Variants in ABCA13 observed in about 807,000 individuals in gnomAD.
ABCA13 encodes ATP-binding cassette sub-family A member 13.
In ABCA13, 476 loss-of-function variants were observed where a neutral mutation model predicts 478.7. The observed-to-expected ratio is 0.99, with a 90% CI of 0.92 to 1.07. The LOEUF (loss-of-function observed/expected upper bound fraction) is 1.07. Among genes scored for constraint, ABCA13 ranks in the 50% least tolerant of loss-of-function variants. ABCA13 has a pLI of 0.00. For synonymous variants in ABCA13, 2,252 were observed against 2,158.9 expected (o/e 1.04, Z -1.20); for missense variants, 6,060 against 5,910.6 (o/e 1.03, Z -0.83).
chr7:48,563,442 A>G (rs564330791), intron 55 of ABCA13, among the ~76,000 whole-genome samples: 1 of 152,292 alleles, frequency 6.6e-6, no homozygotes, highest in African/African-American at 2.4e-5. Context: ...TGCTCCTCCC[A>G]TGATGAGGTC....
intron 59 of ABCA13, among the ~76,000 whole-genome samples, chr7:48,617,087 T>C (rs1792660339): frequency 6.6e-6 from 1 of 152,198 alleles, no homozygotes; most frequent in African/African-American, 2.4e-5. Flanking sequence ...ACTATAAACC[T>C]ATAATAAACA....
At chr7:48,291,739 C>T (rs192665237) in intron 20 of ABCA13, among the ~76,000 whole-genome samples, 1 of 152,142 alleles carries the variant, frequency 6.6e-6, no homozygotes, top group Non-Finnish European at 1.5e-5. Flanking sequence ...ACGTAAAAGT[C>T]GAACCAGATT....
intron 39 of ABCA13, 90 bp from the exon 40 acceptor site, chr7:48,410,430 G>C: frequency 6.7e-7 from 1 of 1,489,694 alleles, no homozygotes; most frequent in South Asian, 1.1e-5. Context: ...TTTAAATTGT[G>C]CCCTGGATCT....
intron 58 of ABCA13, among the ~76,000 whole-genome samples, chr7:48,603,135 A>C (rs1157558030): frequency 1.3e-5 from 2 of 152,080 alleles, no homozygotes; most frequent in African/African-American, 4.8e-5. Context: ...TAGGGTTGAG[A>C]TGATGGGGTT....
chr7:48,324,998 G>A (rs916322994), intron 27 of ABCA13, among the ~76,000 whole-genome samples: 45 of 152,188 alleles, frequency 3.0e-4, no homozygotes, highest in Admixed American at 1.6e-3. Flanking sequence ...TGAGCTAAAC[G>A]TTACTTCCCC....
intron 1 of ABCA13, among the ~76,000 whole-genome samples, chr7:48,178,358 G>A (rs1218018797): frequency 6.6e-6 from 1 of 152,098 alleles, no homozygotes; most frequent in Non-Finnish European, 1.5e-5. Context: ...CTTTTGTCCT[G>A]CATCATTGCC....
At position 48,410,674 on chromosome 7, in the gene ABCA13, G is replaced by A. The variant is rs747848917; in HGVS notation, c.12225G>A (p.Arg4075=). 6.2e-7 allele frequency: 1 copy of A among 1,612,536 alleles called. No homozygotes were observed. The highest frequency in any genetic ancestry group is 2.2e-5 in the East Asian group (1 of 44,858). ...AGGGGCTCCGCCTGACACTCACGAG[G>A]CAGGTAAGGAGTGCAACCATTCTAT... ...YGQGLRLTLT[R]QPSVLEAHDL... Residue 4075 remains arginine (R), a synonymous_variant, in exon 40 of 62, where the codon AGG becomes AGA. Transcript: ENST00000435803.
At chr7:48,242,257 T>A (rs1439865293) in intron 10 of ABCA13, among the ~76,000 whole-genome samples, 4 of 146,688 alleles carry the variant, frequency 2.7e-5, no homozygotes, top group African/African-American at 1.0e-4. Context: ...CCCAGGAAGC[T>A]GTACTTGGCT....
intron 1 of ABCA13, among the ~76,000 whole-genome samples, chr7:48,190,617 A>G (rs1225932852): frequency 6.6e-6 from 1 of 152,184 alleles, no homozygotes; most frequent in Non-Finnish European, 1.5e-5. Flanking sequence ...ATAAAAGAAA[A>G]ACAACCTCAT....
chr7:48,429,001 A>G (rs1821789133), intron 42 of ABCA13, among the ~76,000 whole-genome samples: 1 of 152,118 alleles, frequency 6.6e-6, no homozygotes, highest in Non-Finnish European at 1.5e-5. Flanking sequence ...TCTCTAATAG[A>G]TGTGCCTATT....
chr7:48,202,269 A>C (rs950501566), intron 3 of ABCA13, among the ~76,000 whole-genome samples: 3 of 152,232 alleles, frequency 2.0e-5, no homozygotes, highest in African/African-American at 7.2e-5. Flanking sequence ...GTCTGTTTTG[A>C]CAGGGCGCTG....
chr7:48,316,683 G>A (rs1237526276), intron 26 of ABCA13, among the ~76,000 whole-genome samples: 2 of 152,196 alleles, frequency 1.3e-5, no homozygotes, highest in African/African-American at 4.8e-5. Context: ...AAGAAGCATG[G>A]CACCAGCATC....
At chr7:48,227,234 AC>A (rs2128983158) in intron 5 of ABCA13, 27 bp from the exon 6 acceptor site, 1 of 1,608,918 alleles carries the variant, frequency 6.2e-7, no homozygotes, top group Non-Finnish European at 8.5e-7. Context: ...CCAGAGGGAA[AC>A]TTTTGGTGTA....
At chr7:48,421,511 C>T (rs928561398) in intron 41 of ABCA13, among the ~76,000 whole-genome samples, 1 of 152,190 alleles carries the variant, frequency 6.6e-6, no homozygotes, top group Non-Finnish European at 1.5e-5. Flanking sequence ...CCAAGTTGAG[C>T]CAGTGGGAGG....
intron 41 of ABCA13, among the ~76,000 whole-genome samples, chr7:48,424,675 C>T (rs1224405414): frequency 6.6e-6 from 1 of 152,196 alleles, no homozygotes; most frequent in Non-Finnish European, 1.5e-5. Context: ...AGTTTTCTTT[C>T]ATTAAATCCC....
At chr7:48,481,432 C>A (rs1190001017) in intron 46 of ABCA13, among the ~76,000 whole-genome samples, 1 of 152,162 alleles carries the variant, frequency 6.6e-6, no homozygotes, top group African/African-American at 2.4e-5. Flanking sequence ...ACATAGATGC[C>A]ATGGACCTTA....
Position 48,278,664 on chromosome 7 carries a change from C to T in ABCA13, c.7470C>T (p.His2490=), listed in dbSNP as rs778470798. Residue 2490 remains histidine, a synonymous_variant, in exon 18 of 62, where the codon CAC becomes CAT. Transcript: ENST00000435803. The part of the protein sequence containing the change: ...GAISRASEES[H]VLKPLLEMSG... ...TTTCAAGAGCAAGTGAAGAAAGTCA[C>T]GTCCTGAAACCCCTCTTAGAAATGT... is the stretch of plus-strand genomic sequence containing the variant. 52 of 1,613,506 alleles carry T rather than the reference C, an allele frequency of 3.2e-5. No individual in the cohort carries two copies. Among genetic ancestry groups the T allele is most frequent in the Admixed American group, 2.3e-4 (14 of 59,996 alleles).
Position 48,350,798 on chromosome 7 carries a change from C to G in ABCA13, c.10360C>G (p.Gln3454Glu), listed in dbSNP as rs1808853632. ...ILETKAHELLQQNSFLASIIF... is the reference protein window; with the variant it reads ...ILETKAHELLEQNSFLASIIF... Reference sequence around the variant, plus strand: ...GGAGACTAAAGCACATGAACTCTTGCAGCAGAACAGCTTCTTGGCCAGTAA... The same window carrying G: ...GGAGACTAAAGCACATGAACTCTTGGAGCAGAACAGCTTCTTGGCCAGTAA... Residue 3454 changes from glutamine to glutamate, a missense_variant, in exon 30 of 62, where the codon CAG becomes GAG. Gln to Glu is a conservative substitution (Grantham distance 29, BLOSUM62 2). Coordinates refer to ENST00000435803, the MANE Select transcript of ABCA13 (RefSeq NM_152701.5). The G allele has an allele frequency of 6.2e-6, 10 of 1,613,746 alleles. No individual in the cohort carries two copies. The highest frequency in any genetic ancestry group is 8.5e-6 in the Non-Finnish European group (10 of 1,179,758).
chr7:48,528,228 C>G lies in ABCA13; in HGVS notation c.14245-8C>G. On this transcript the variant is annotated splice_polypyrimidine_tract_variant and splice_region_variant and intron_variant, in intron 54 of 61. Coordinates refer to ENST00000435803, the MANE Select transcript of ABCA13 (RefSeq NM_152701.5). ...GAATGTGCTTTACTTAACTTTGTTT[C>G]CTCTTAGTGCTTTGGACTTCTAGGG... 2 of 1,559,310 alleles carry G rather than the reference C, an allele frequency of 1.3e-6. No homozygotes were observed. Among genetic ancestry groups the G allele is most frequent in the Non-Finnish European group, 1.7e-6 (2 of 1,149,208 alleles).
Sources: gnomAD v4.1 joint callset for allele counts (sites outside exome capture counted in the v4.1 genomes callset) on GRCh38, gnomAD v4.1.1 for gene constraint, MANE v1.5 for transcripts, NCBI Gene and HGNC (gene_info 2026-07-23, HGNC 2026-07-21) for gene names.